The following DNAH14 variants were observed in gnomAD, a reference collection of about 807,000 sequenced individuals.
DNAH14 encodes axonemal beta dynein heavy chain 14.
A neutral mutation model predicts 520.9 loss-of-function variants in DNAH14; 478 were observed. That is an observed-to-expected ratio of 0.92 (90% CI 0.85 to 0.99). The LOEUF is 0.99. Ranked by LOEUF, DNAH14 falls within the 50% of genes least tolerant of loss-of-function variation. The probability of loss-of-function intolerance (pLI) is 0.00; values close to 1 mark genes in which losing one functional copy is unlikely to be tolerated. For missense variants in DNAH14, 4,831 were observed against 5,234.5 expected, an observed-to-expected ratio of 0.92 and a Z score of 2.38; for synonymous variants, 1,581 against 1,757.2, an observed-to-expected ratio of 0.90 and a Z score of 2.51.
chr1:225,393,374 G>A (rs1388561765), intron 84 of DNAH14, among the ~76,000 whole-genome samples: 1 of 152,222 alleles, frequency 6.6e-6, no homozygotes, highest in East Asian at 1.9e-4. Context: ...TAGGCTAAAT[G>A]GGATAGCCTA....
intron 48 of DNAH14, 31 bp from the exon 49 acceptor site, chr1:225,266,610 T>C: frequency 7.1e-7 from 1 of 1,405,752 alleles, no homozygotes; most frequent in Non-Finnish European, 9.3e-7. Flanking sequence ...TGTACTAATA[T>C]ATATGTTTAA....
At chr1:225,068,351 C>T (rs542650333) in intron 17 of DNAH14, among the ~76,000 whole-genome samples, 8 of 152,188 alleles carry the variant, frequency 5.3e-5, no homozygotes, top group South Asian at 2.1e-4. Context: ...GTTAGTGTAG[C>T]CCTGTAGTGT....
rs1437466255 is a variant in DNAH14 at position 225,340,450 on chromosome 1, T to C, written c.10434-7T>C. On this transcript the variant is annotated splice_polypyrimidine_tract_variant and splice_region_variant and intron_variant, in intron 68 of 85. Transcript: ENST00000682510. ...CTTTGAATAACTGGTGCCTTTCTCATGTTCAGGTTATACTTATCTACAGAA... is the reference window on the plus strand; with the variant it reads ...CTTTGAATAACTGGTGCCTTTCTCACGTTCAGGTTATACTTATCTACAGAA... The C allele has an allele frequency of 2.0e-6, 3 of 1,527,588 alleles. No individual in the cohort carries two copies. In the East Asian group the frequency reaches 7.4e-5, roughly 38 times the overall value. The allele number at this position is 1,527,588 out of a possible 1,614,324, so 94.6% of individuals were successfully genotyped here.
At chr1:225,183,535 C>G (rs1267660728) in intron 36 of DNAH14, among the ~76,000 whole-genome samples, 2 of 152,066 alleles carry the variant, frequency 1.3e-5, no homozygotes, top group Non-Finnish European at 1.5e-5. Flanking sequence ...AATCCCAAAG[C>G]TAGCAGAAGA....
chr1:225,277,254 C>T (rs1345126513), intron 53 of DNAH14, among the ~76,000 whole-genome samples, 156 bp from the exon 54 acceptor site: 3 of 152,076 alleles, frequency 2.0e-5, no homozygotes, highest in Admixed American at 2.0e-4. Flanking sequence ...CACAAATTTA[C>T]TTTCCCTAAA....
At position 225,053,156 on chromosome 1, in the gene DNAH14, A is replaced by G. The variant is rs557577639; in HGVS notation, c.2424+1361A>G. 1.2e-3 allele frequency among the ~76,000 whole-genome samples: 184 copies of G among 152,212 alleles called. 2 individuals carry two copies. Among genetic ancestry groups the G allele is most frequent in the Middle Eastern group, 6.8e-3 (2 of 294 alleles). ...GACTGACTGAGAACAGTAGTCTTTT[A>G]ACTGGGAGCATGGTACCCCACACAA... On this transcript the variant is annotated intron_variant, in intron 17 of 85. Transcript: ENST00000682510.
At chr1:225,151,434 A>G (rs985978933) in intron 31 of DNAH14, among the ~76,000 whole-genome samples, 2 of 152,076 alleles carry the variant, frequency 1.3e-5, no homozygotes, top group South Asian at 2.1e-4. Flanking sequence ...TTTTGTCCCA[A>G]TTGTTTTCCT....
intron 21 of DNAH14, among the ~76,000 whole-genome samples, chr1:225,096,379 G>A (rs1477885425): frequency 2.0e-5 from 3 of 152,160 alleles, no homozygotes; most frequent in African/African-American, 7.2e-5. Context: ...TAAAAAATAT[G>A]GAGGTAAGTA....
At chr1:225,219,202 C>T (rs962041828) in intron 41 of DNAH14, among the ~76,000 whole-genome samples, 4 of 152,050 alleles carry the variant, frequency 2.6e-5, no homozygotes, top group East Asian at 3.9e-4. Flanking sequence ...TAAATGCCCA[C>T]GTCAGAAAGC....
At chr1:225,126,259 A>G (rs4421558) in intron 27 of DNAH14, among the ~76,000 whole-genome samples, 99,975 of 152,028 alleles carry the variant, frequency 0.66, 34,608 homozygotes, top group African/African-American at 0.87. Context: ...ATGCAGGGTT[A>G]CCACAAATCT....
intron 8 of DNAH14, among the ~76,000 whole-genome samples, chr1:224,998,779 G>A (rs949824625): frequency 2.0e-5 from 3 of 152,054 alleles, no homozygotes; most frequent in Admixed American, 1.3e-4. Context: ...AGATCCACTT[G>A]GTAGAAAAGT....
intron 76 of DNAH14, 32 bp from the exon 77 acceptor site, chr1:225,367,773 C>T (rs1325840407): frequency 4.0e-6 from 6 of 1,497,942 alleles, no homozygotes; most frequent in Non-Finnish European, 4.5e-6. Context: ...CATCTGTCCT[C>T]ACATGCCATT....
intron 23 of DNAH14, 140 bp downstream of exon 23, chr1:225,101,024 A>G: frequency 3.4e-6 from 2 of 593,598 alleles, no homozygotes; most frequent in South Asian, 3.5e-5. Flanking sequence ...AACTCTCACT[A>G]CCTATAGAGT....
rs1353912862 is a variant in DNAH14, at chr1:225,334,457, C to T, written c.10080+951C>T. Among the ~76,000 whole-genome samples the T allele has an allele frequency of 3.3e-5, 5 of 149,824 alleles. No individual in the cohort carries two copies. In the East Asian group the frequency reaches 1.0e-3, roughly 31 times the overall value. ...GCTGCAGTGAGCTATGATGGTGCCA[C>T]TACATTCCAGCCTAGGCTACTGAGA... On this transcript the variant is annotated intron_variant, in intron 66 of 85. Coordinates refer to ENST00000682510, the MANE Select transcript of DNAH14 (RefSeq NM_001367479.1).
At chr1:225,008,575 C>CTTTTTTTTTTTTTTTT (rs57331050) in intron 10 of DNAH14, among the ~76,000 whole-genome samples, 8 of 98,308 alleles carry the variant, frequency 8.1e-5, no homozygotes, top group East Asian at 3.1e-4. Context: ...TTTTTCCTGA[C>CTTTTTTTTTTTTTTTT]TTTTTTTTTT....
At chr1:225,201,106 C>T (rs970197282) in intron 38 of DNAH14, among the ~76,000 whole-genome samples, 1 of 151,622 alleles carries the variant, frequency 6.6e-6, no homozygotes, top group East Asian at 1.9e-4. Flanking sequence ...AATTTGAAAA[C>T]CTTGTCTTCG....
chr1:225,378,714 C>G (rs1414223167), intron 79 of DNAH14, among the ~76,000 whole-genome samples: 2 of 151,902 alleles, frequency 1.3e-5, no homozygotes, highest in Non-Finnish European at 2.9e-5. Context: ...AACCCCGTCT[C>G]TACTAAAAAT....
chr1:224,943,274 A>T (rs867442667), intron 1 of DNAH14, among the ~76,000 whole-genome samples: 1 of 151,202 alleles, frequency 6.6e-6, no homozygotes, highest in Non-Finnish European at 1.5e-5. Context: ...CTTCTAGTTT[A>T]TTTGCGTAGA....
At chr1:225,347,408 C>T (rs901931390) in intron 71 of DNAH14, among the ~76,000 whole-genome samples, 1 of 152,130 alleles carries the variant, frequency 6.6e-6, no homozygotes, top group Admixed American at 6.6e-5. Flanking sequence ...CATGCCTCCC[C>T]CTCTTTGTGG....
Sources: allele counts gnomAD v4.1 joint callset (sites outside exome capture counted in the v4.1 genomes callset), GRCh38; gene constraint gnomAD v4.1.1; transcripts MANE v1.5; gene names NCBI Gene and HGNC (gene_info 2026-07-23, HGNC 2026-07-21).